NAV2: variants seen among roughly 807,000 people sequenced by gnomAD.
NAV2 encodes the protein helicase, APC down-regulated 1.
In NAV2, 54 loss-of-function variants were observed where a neutral mutation model predicts 223.2. That is an observed-to-expected ratio of 0.24 (90% CI 0.19 to 0.30). NAV2 has a LOEUF of 0.30. Ranked by LOEUF, NAV2 falls within the 10% of genes least tolerant of loss-of-function variation. The probability of loss-of-function intolerance (pLI) is 1.00; values close to 1 mark genes in which losing one functional copy is unlikely to be tolerated. For synonymous variants in NAV2, 1,279 were observed against 1,239.3 expected, an observed-to-expected ratio of 1.03 and a Z score of -0.67; for missense variants, 2,806 against 3,147.5, an observed-to-expected ratio of 0.89 and a Z score of 2.60.
At chr11:19,616,335 T>TGTGCGC (rs1159006427) in intron 1 of NAV2, among the ~76,000 whole-genome samples, 1 of 148,404 alleles carries the variant, frequency 6.7e-6, no homozygotes, top group African/African-American at 2.5e-5. Context: ...TGTGTGTGTG[T>TGTGCGC]GCGCGCGCAT....
chr11:19,545,477 T>C (rs2044469278), intron 1 of NAV2, among the ~76,000 whole-genome samples: 1 of 152,044 alleles, frequency 6.6e-6, no homozygotes, highest in South Asian at 2.1e-4. Context: ...CCCTTTGAGG[T>C]GGAAAGCTTG....
rs1282102208 is a variant in NAV2 at position 20,028,278 on chromosome 11, G to A, written c.2769-7681G>A. On this transcript the variant is annotated intron_variant, in intron 11 of 37. Coordinates refer to ENST00000349880, the MANE Select transcript of NAV2 (RefSeq NM_145117.5). The stretch of plus-strand genomic sequence containing the variant: ...TGAGTGGCATTTGGATTCCTGACAC[G>A]GTGATGTCAGCATCCCTTCTAAGAC... 4.6e-5 allele frequency among the ~76,000 whole-genome samples: 7 copies of A among 152,184 alleles called. No individual in the cohort carries two copies. In the East Asian group the frequency reaches 5.8e-4, roughly 13 times the overall value.
intron 1 of NAV2, among the ~76,000 whole-genome samples, chr11:19,490,323 C>T (rs1433964612): frequency 6.6e-6 from 1 of 152,174 alleles, no homozygotes; most frequent in Non-Finnish European, 1.5e-5. Context: ...TTCTCTGTAG[C>T]ATGTGATGCT....
At chr11:19,907,485 G>A (rs1389248754) in intron 6 of NAV2, among the ~76,000 whole-genome samples, 1 of 151,688 alleles carries the variant, frequency 6.6e-6, no homozygotes, top group Admixed American at 6.6e-5. Flanking sequence ...TCTTAGAAAT[G>A]TCACTTATTG....
intron 1 of NAV2, among the ~76,000 whole-genome samples, chr11:19,690,012 C>T (rs1488599016): frequency 6.6e-6 from 1 of 152,104 alleles, no homozygotes; most frequent in Non-Finnish European, 1.5e-5. Context: ...CTCCTGTTAC[C>T]CAGGCTGGAG....
chr11:19,357,316 G>A (rs1228604483), intron 1 of NAV2, among the ~76,000 whole-genome samples: 1 of 152,198 alleles, frequency 6.6e-6, no homozygotes, highest in Non-Finnish European at 1.5e-5. Context: ...GGGAGAAAGA[G>A]CAGCAATGTC....
At chr11:19,429,414 G>T (rs1419821423) in intron 1 of NAV2, among the ~76,000 whole-genome samples, 2 of 152,194 alleles carry the variant, frequency 1.3e-5, no homozygotes, top group African/African-American at 4.8e-5. Context: ...AGACTGGCCT[G>T]GGGGTCAGGA....
At chr11:20,080,992 A>G (rs1399833741) in intron 25 of NAV2, among the ~76,000 whole-genome samples, 1 of 152,200 alleles carries the variant, frequency 6.6e-6, no homozygotes, top group African/African-American at 2.4e-5. Context: ...TCTCAAGTTG[A>G]TCTGGAGTTG....
chr11:19,707,060 T>G (rs1284552959), intron 1 of NAV2, among the ~76,000 whole-genome samples: 3 of 152,200 alleles, frequency 2.0e-5, no homozygotes, highest in Non-Finnish European at 4.4e-5. Context: ...TATACTTGGA[T>G]AGGGCATTTA....
At chr11:19,472,744 G>A (rs1590274288) in intron 1 of NAV2, among the ~76,000 whole-genome samples, 1 of 152,110 alleles carries the variant, frequency 6.6e-6, no homozygotes, top group African/African-American at 2.4e-5. Context: ...GTTGATTTAG[G>A]CGGTGCTACT....
At chr11:19,905,674 G>A (rs2042808877) in intron 6 of NAV2, among the ~76,000 whole-genome samples, 1 of 152,186 alleles carries the variant, frequency 6.6e-6, no homozygotes, top group Admixed American at 6.5e-5. Context: ...CTGGCTTGGA[G>A]TGAAAACCAG....
intron 8 of NAV2, among the ~76,000 whole-genome samples, chr11:19,943,777 G>T (rs2046601743): frequency 6.6e-6 from 1 of 152,054 alleles, no homozygotes; most frequent in South Asian, 2.1e-4. Context: ...GGCTTTTAAA[G>T]ACCCATGATT....
chr11:19,722,207 A>T (rs2050798897), intron 1 of NAV2, among the ~76,000 whole-genome samples: 1 of 152,218 alleles, frequency 6.6e-6, no homozygotes, highest in Non-Finnish European at 1.5e-5. Context: ...ATGGTTGCTG[A>T]CATTTTCTGG....
chr11:19,468,912 T>G (rs2041869978), intron 1 of NAV2, among the ~76,000 whole-genome samples: 1 of 152,212 alleles, frequency 6.6e-6, no homozygotes, highest in East Asian at 1.9e-4. Flanking sequence ...GAAGATATTC[T>G]GGAGACAAAG....
chr11:19,924,615 C>T (rs570562992), intron 6 of NAV2, among the ~76,000 whole-genome samples: 2 of 152,282 alleles, frequency 1.3e-5, no homozygotes, highest in East Asian at 3.9e-4. Context: ...TCACAAGATA[C>T]TGGAGTATTC....
chr11:19,625,959 C>A (rs894743461), intron 1 of NAV2, among the ~76,000 whole-genome samples: 7 of 152,006 alleles, frequency 4.6e-5, no homozygotes, highest in African/African-American at 1.7e-4. Flanking sequence ...TAGTTCGTGA[C>A]CATTTTCTCC....
chr11:19,876,511 G>A (rs2062840229), intron 4 of NAV2, among the ~76,000 whole-genome samples: 1 of 152,154 alleles, frequency 6.6e-6, no homozygotes, highest in Non-Finnish European at 1.5e-5. Context: ...CAAAAAATGA[G>A]AGCTGTTTGT....
At chr11:19,755,521 C>T (rs113133672) in intron 1 of NAV2, among the ~76,000 whole-genome samples, 10,851 of 152,062 alleles carry the variant, frequency 0.071, 499 homozygotes, top group Non-Finnish European at 0.095. Flanking sequence ...GATGAAAGTC[C>T]AAAATCTGGT....
chr11:19,781,529 G>A (rs57649058), intron 1 of NAV2, among the ~76,000 whole-genome samples: 3,454 of 100,114 alleles, frequency 0.035, 141 homozygotes, highest in African/African-American at 0.094. Context: ...ATGATGATGA[G>A]GGAAATGTGC....
Sources: allele counts gnomAD v4.1 joint callset (sites outside exome capture counted in the v4.1 genomes callset), GRCh38; gene constraint gnomAD v4.1.1; transcripts MANE v1.5; gene names NCBI Gene and HGNC (gene_info 2026-07-23, HGNC 2026-07-21).